The following SAR1B variants were observed in gnomAD, a reference collection of about 807,000 sequenced individuals.
SAR1B encodes secretion associated Ras related GTPase 1B, also known as small COPII coat GTPase SAR1B.
Under a neutral mutation model 26.8 loss-of-function variants are expected in SAR1B, and 23 were observed. That is an observed-to-expected ratio of 0.86 (90% CI 0.62 to 1.22). The LOEUF is 1.22. SAR1B is among the 50% of genes most tolerant of loss of function. SAR1B has a pLI of 0.00. For missense variants in SAR1B, 196 were observed against 232.8 expected (o/e 0.84, Z 1.03); for synonymous variants, 65 against 80.8 (o/e 0.80, Z 1.05).
In SAR1B at chr5:134,605,659, C is replaced by CAAAAAAAAAAAAAAA. The variant is rs1026047463; in HGVS notation, c.*1276_*1290dup. On this transcript the variant is annotated 3_prime_UTR_variant, in exon 7 of 7. Transcript: ENST00000402673. The stretch of plus-strand genomic sequence containing the variant: ...GTCTCTAAAACAAAATGAAACAGAG[C>CAAAAAAAAAAAAAAA]AAAAAAAAAAAAAAAAAAAAAGCCC... 3 of 35,016 alleles carry CAAAAAAAAAAAAAAA rather than the reference C, an allele frequency of 8.6e-5. No individual in the cohort carries two copies. Among genetic ancestry groups the CAAAAAAAAAAAAAAA allele is most frequent in the Non-Finnish European group, 1.8e-4 (3 of 16,904 alleles). 2.2% of individuals were successfully genotyped at this position (35,016 alleles called of 1,614,324 possible). A position where few individuals can be genotyped will look rare whatever the true frequency, so the allele number is the denominator to read the frequency against.
In SAR1B at chr5:134,602,348, A is replaced by T. The variant is rs1436893843; in HGVS notation, c.*4602T>A. The T allele has an allele frequency of 1.3e-5, 2 of 152,032 alleles. No homozygotes were observed. Among genetic ancestry groups the T allele is most frequent in the Non-Finnish European group, 1.5e-5 (1 of 68,026 alleles). 9.4% of individuals were successfully genotyped at this position (152,032 alleles called of 1,614,324 possible). On this transcript the variant is annotated 3_prime_UTR_variant, in exon 7 of 7. Coordinates refer to ENST00000402673, the MANE Select transcript of SAR1B (RefSeq NM_016103.4). Reference sequence around the variant, plus strand: ...TGGTTCAGAACTGCCTCTTTAATAGACTCTGTGGCTTCCCTTGACACTGGA... The same window carrying T: ...TGGTTCAGAACTGCCTCTTTAATAGTCTCTGTGGCTTCCCTTGACACTGGA...
chr5:134,628,532 C>G (rs1366182729), intron 1 of SAR1B, among the ~76,000 whole-genome samples: 1 of 151,996 alleles, frequency 6.6e-6, no homozygotes, highest in Non-Finnish European at 1.5e-5. Flanking sequence ...TACAAATATC[C>G]AGGCTGAGCA....
intron 1 of SAR1B, among the ~76,000 whole-genome samples, chr5:134,630,121 G>A (rs1209311578): frequency 6.6e-6 from 1 of 151,896 alleles, no homozygotes; most frequent in Non-Finnish European, 1.5e-5. Flanking sequence ...AAGTGAGCGA[G>A]CGTAGAAATA....
At chr5:134,628,814 C>T (rs1319197956) in intron 1 of SAR1B, among the ~76,000 whole-genome samples, 1 of 152,042 alleles carries the variant, frequency 6.6e-6, no homozygotes, top group East Asian at 1.9e-4. Context: ...CCACCAAGCC[C>T]AGCTAATTTT....
chr5:134,629,175 A>G (rs923531137), intron 1 of SAR1B, among the ~76,000 whole-genome samples: 2 of 152,032 alleles, frequency 1.3e-5, no homozygotes, highest in African/African-American at 4.8e-5. Context: ...TAATCCCAGC[A>G]CTTTGGGAGG....
chr5:134,626,260 C>T (rs1288179739), intron 1 of SAR1B, among the ~76,000 whole-genome samples: 2 of 127,030 alleles, frequency 1.6e-5, no homozygotes, highest in Non-Finnish European at 3.1e-5. Flanking sequence ...GATCGAGCCA[C>T]TGCACCACAG....
At chr5:134,632,244 T>TTTTAATTTTTCTCA in intron 1 of SAR1B, 1 of 152,116 alleles carries the variant, frequency 6.6e-6, no homozygotes, top group South Asian at 2.1e-4. Context: ...CAAAAATCAG[T>TTTTAATTTTTCTCA]ACAGTTTTCT....
At chr5:134,620,829 G>A (rs1765393546) in intron 3 of SAR1B, 104 bp downstream of exon 3, 5 of 1,328,200 alleles carry the variant, frequency 3.8e-6, no homozygotes, top group Admixed American at 1.7e-5. Context: ...ATTGCAGCCT[G>A]GGCAACAGAG....
At chr5:134,616,540 G>T (rs768057308) in intron 3 of SAR1B, among the ~76,000 whole-genome samples, 50 of 151,848 alleles carry the variant, frequency 3.3e-4, no homozygotes, top group Non-Finnish European at 5.7e-4. Flanking sequence ...ATAAGGAAAA[G>T]ATAATGCTTA....
intron 1 of SAR1B, among the ~76,000 whole-genome samples, chr5:134,630,875 ATTTCTTTTTTTTTCTTTTTTTTTTTTT>A (rs1561791156): frequency 1.2e-5 from 1 of 83,422 alleles, no homozygotes; most frequent in Non-Finnish European, 2.6e-5. Flanking sequence ...TTCCTTTTCT[ATTTCTTTTTTTTTCTTTTTTTTTTTTT>A]TTTTTTTTTT....
chr5:134,622,587 T>G (rs921513003), intron 2 of SAR1B, among the ~76,000 whole-genome samples: 5 of 151,402 alleles, frequency 3.3e-5, no homozygotes, highest in African/African-American at 1.2e-4. Flanking sequence ...ATTTTTTGTA[T>G]TTTTAGTAGA....
Position 134,612,685 on chromosome 5 carries a change from TCTTACCTTG to T in SAR1B, c.241_244+5del. The T allele has an allele frequency of 2.5e-6, 1 of 404,060 alleles. No individual in the cohort carries two copies. Among genetic ancestry groups the T allele is most frequent in the Non-Finnish European group, 4.2e-6 (1 of 237,358 alleles). 25.0% of individuals were successfully genotyped at this position (404,060 alleles called of 1,614,324 possible). On this transcript the variant is annotated splice_donor_variant and splice_donor_5th_base_variant and coding_sequence_variant and intron_variant, in exon 4 of 7. Transcript: ENST00000402673. LOFTEE classifies it high-confidence loss of function. Reference sequence around the variant, plus strand: ...AAAAAAAAAAAAAAAAAAAAAAGAATCTTACCTTGAACATGTCCACCCAGATCAAAAGTT... The same window carrying T: ...AAAAAAAAAAAAAAAAAAAAAAGAATAACATGTCCACCCAGATCAAAAGTT...
intron 6 of SAR1B, among the ~76,000 whole-genome samples, chr5:134,607,372 C>T (rs1765145087): frequency 1.3e-5 from 2 of 152,136 alleles, no homozygotes; most frequent in African/African-American, 4.8e-5. Flanking sequence ...GACAAACATT[C>T]CCTGAGAAGG....
In SAR1B at chr5:134,612,677, A is replaced by AAT; in HGVS notation, c.244+13_244+14insAT. 2 of 1,055,538 alleles carry AAT rather than the reference A, an allele frequency of 1.9e-6. No individual in the cohort carries two copies. Among genetic ancestry groups the AAT allele is most frequent in the Middle Eastern group, 3.4e-4 (1 of 2,918 alleles). 65.4% of individuals were successfully genotyped at this position (1,055,538 alleles called of 1,614,324 possible). ...AAAAAAAAAAAAAAAAAAAAAAAAAAAAAAGAATCTTACCTTGAACATGTC... is the reference window on the plus strand; with the variant it reads ...AAAAAAAAAAAAAAAAAAAAAAAAAAATAAAAGAATCTTACCTTGAACATGTC... On this transcript the variant is annotated intron_variant, in intron 4 of 6. Transcript: ENST00000402673.
intron 4 of SAR1B, among the ~76,000 whole-genome samples, chr5:134,611,528 C>T (rs567378698): frequency 6.6e-6 from 1 of 151,754 alleles, no homozygotes; most frequent in African/African-American, 2.4e-5. Context: ...CAAAATCAGC[C>T]TGGGCAAGAT....
chr5:134,610,566 CAAAAAAAAAAAAAAAA>C (rs55682339), intron 4 of SAR1B, among the ~76,000 whole-genome samples: 42 of 39,028 alleles, frequency 1.1e-3, no homozygotes, highest in Non-Finnish European at 1.5e-3. Context: ...GACTCCGTCT[CAAAAAAAAAAAAAAAA>C]AAAAAAAAAA....
At chr5:134,622,884 G>A (rs190747924) in intron 2 of SAR1B, among the ~76,000 whole-genome samples, 15 of 151,470 alleles carry the variant, frequency 9.9e-5, no homozygotes, top group African/African-American at 1.5e-4. Flanking sequence ...CACTTTGGGA[G>A]TCCAAGGCAG....
intron 2 of SAR1B, 44 bp from the exon 3 acceptor site, chr5:134,621,096 T>C (rs1765400141): frequency 1.3e-6 from 2 of 1,596,842 alleles, no homozygotes; most frequent in Non-Finnish European, 1.7e-6. Flanking sequence ...TATCTGATAC[T>C]AATTATCCAA....
intron 4 of SAR1B, 21 bp from the exon 5 acceptor site, chr5:134,609,695 T>G (rs771666761): frequency 1.2e-6 from 2 of 1,600,262 alleles, no homozygotes; most frequent in Non-Finnish European, 1.7e-6. Flanking sequence ...CAATCAGGGG[T>G]TAGAGTTTAC....
Sources: gnomAD v4.1 joint callset for allele counts (sites outside exome capture counted in the v4.1 genomes callset) on GRCh38, gnomAD v4.1.1 for gene constraint, MANE v1.5 for transcripts, NCBI Gene and HGNC (gene_info 2026-07-23, HGNC 2026-07-21) for gene names.